The following PLCL2 variants were observed in gnomAD, a reference collection of about 807,000 sequenced individuals.
The protein encoded by PLCL2 is phospholipase C like 2, also known as inactive phospholipase C-like protein 2.
A neutral mutation model predicts 79.6 loss-of-function variants in PLCL2; 4 were observed. The ratio of observed to expected loss-of-function variants is 0.05; its 90% CI spans 0.02 to 0.11. PLCL2 has a LOEUF of 0.11. Among genes scored for constraint, PLCL2 ranks in the 10% least tolerant of loss-of-function variants. The pLI is 1.00. For synonymous variants in PLCL2, 484 were observed against 457.7 expected (o/e 1.06, Z -0.73); for missense variants, 895 against 1,291.0 (o/e 0.69, Z 4.70).
At chr3:16,948,731 G>C (rs575660096) in intron 1 of PLCL2, among the ~76,000 whole-genome samples, 1 of 152,252 alleles carries the variant, frequency 6.6e-6, no homozygotes, top group African/African-American at 2.4e-5. Context: ...AATGAATAGA[G>C]AACAGATTCC....
intron 1 of PLCL2, among the ~76,000 whole-genome samples, chr3:16,892,698 T>C (rs1457070361): frequency 6.6e-6 from 1 of 152,208 alleles, no homozygotes; most frequent in Non-Finnish European, 1.5e-5. Flanking sequence ...CTGCCCTTTG[T>C]TGCAGTGCAA....
rs1168031283 is a variant in PLCL2, at chr3:16,892,357, A to G, written c.327+6991A>G. Among the ~76,000 whole-genome samples, 4 of 152,188 alleles carry G rather than the reference A, an allele frequency of 2.6e-5. No individual in the cohort carries two copies. The East Asian group carries it at 7.7e-4, about 29-fold the overall frequency. On this transcript the variant is annotated intron_variant, in intron 1 of 5. Transcript: ENST00000615277. ...GCCCTGAAATAAGAATAGGCCTTTG[A>G]AATTTTCTTTTGATTTATATTCTGC...
intron 1 of PLCL2, among the ~76,000 whole-genome samples, chr3:16,892,818 C>G (rs1041313311): frequency 2.6e-5 from 4 of 152,086 alleles, no homozygotes; most frequent in African/African-American, 9.7e-5. Flanking sequence ...ACAAGGGAAC[C>G]CATTCTACAA....
intron 1 of PLCL2, among the ~76,000 whole-genome samples, chr3:16,916,595 T>G (rs1021750466): frequency 1.3e-5 from 2 of 152,202 alleles, no homozygotes; most frequent in Non-Finnish European, 2.9e-5. Flanking sequence ...AGAAGTAAAT[T>G]AATACCATCC....
chr3:16,961,440 G>T (rs115779920), intron 1 of PLCL2, among the ~76,000 whole-genome samples: 1 of 152,336 alleles, frequency 6.6e-6, no homozygotes, highest in East Asian at 1.9e-4. Context: ...AGTGGGACAT[G>T]AAGTGGAGGG....
chr3:17,052,333 A>G (rs1021127210), intron 4 of PLCL2, among the ~76,000 whole-genome samples: 1 of 152,044 alleles, frequency 6.6e-6, no homozygotes, highest in Non-Finnish European at 1.5e-5. Context: ...AGGAATTAAC[A>G]GAAGATAACT....
At chr3:17,028,655 T>G (rs2064544719) in intron 3 of PLCL2, among the ~76,000 whole-genome samples, 1 of 152,020 alleles carries the variant, frequency 6.6e-6, no homozygotes, top group Admixed American at 6.6e-5. Flanking sequence ...TTTGTTGTTT[T>G]GTTTTTTTGC....
Position 17,020,830 on chromosome 3 carries a change from A to G in PLCL2, c.3018+5919A>G, listed in dbSNP as rs140386572. On this transcript the variant is annotated intron_variant, in intron 3 of 5. Transcript: ENST00000615277. ...TGAAGGTTTTTTTCCTTACACAGAA[A>G]TGTTGGCAGTTGACATGCAGCATCA... 4.3e-3 allele frequency among the ~76,000 whole-genome samples: 648 copies of G among 152,296 alleles called. 4 individuals carry two copies. The highest frequency in any genetic ancestry group is 0.014 in the African/African-American group (597 of 41,564).
intron 3 of PLCL2, among the ~76,000 whole-genome samples, chr3:17,024,714 A>C (rs1196238109): frequency 6.6e-6 from 1 of 152,208 alleles, no homozygotes; most frequent in Non-Finnish European, 1.5e-5. Flanking sequence ...AATGAAGACT[A>C]GCTGACCTAG....
Position 17,009,613 on chromosome 3 carries a change from A to G in PLCL2, c.328-61A>G. Reference sequence around the variant, plus strand: ...CTAGGAAATTAAATTTCTATTCATAATCTTGAACATAGAAACCTATATTTA... The same window carrying G: ...CTAGGAAATTAAATTTCTATTCATAGTCTTGAACATAGAAACCTATATTTA... On this transcript the variant is annotated intron_variant, in intron 1 of 5. Transcript: ENST00000615277. The surrounding 1 kb of genome is among the most constrained non-coding windows in gnomAD (Gnocchi z 4.0). 1.2e-6 allele frequency: 1 copy of G among 856,386 alleles called. No homozygotes were observed. The highest frequency in any genetic ancestry group is 1.8e-6 in the Non-Finnish European group (1 of 567,242). 53.0% of individuals were successfully genotyped at this position (856,386 alleles called of 1,614,324 possible).
At chr3:17,059,626 G>A (rs1025362952) in intron 4 of PLCL2, among the ~76,000 whole-genome samples, 7 of 151,998 alleles carry the variant, frequency 4.6e-5, no homozygotes, top group Non-Finnish European at 7.4e-5. Flanking sequence ...GAAACCATGT[G>A]TGTTATTTGC....
At chr3:16,955,804 T>A (rs1410787310) in intron 1 of PLCL2, among the ~76,000 whole-genome samples, 8 of 152,084 alleles carry the variant, frequency 5.3e-5, no homozygotes, top group Admixed American at 5.2e-4. Context: ...TGAATGGGAG[T>A]TCACTCATGA....
intron 3 of PLCL2, among the ~76,000 whole-genome samples, chr3:17,041,966 A>T (rs1291367094): frequency 1.3e-5 from 2 of 152,172 alleles, no homozygotes; most frequent in East Asian, 1.9e-4. Context: ...AAGAAAAAAA[A>T]TGAGGCAGAA....
At chr3:16,945,031 A>G (rs949430523) in intron 1 of PLCL2, among the ~76,000 whole-genome samples, 7 of 152,180 alleles carry the variant, frequency 4.6e-5, no homozygotes, top group Non-Finnish European at 5.9e-5. Flanking sequence ...GAGTGCTGGG[A>G]TTACAGGTGT....
intron 1 of PLCL2, among the ~76,000 whole-genome samples, chr3:16,897,598 A>C (rs1358117374): frequency 6.6e-6 from 1 of 152,224 alleles, no homozygotes; most frequent in African/African-American, 2.4e-5. Context: ...CTGTTTACTC[A>C]CAGAAGATTA....
chr3:17,048,528 T>G (rs1333078325), intron 4 of PLCL2, among the ~76,000 whole-genome samples: 1 of 152,216 alleles, frequency 6.6e-6, no homozygotes, highest in Non-Finnish European at 1.5e-5. Context: ...TCAAAACTTA[T>G]GCACACACTT....
intron 1 of PLCL2, among the ~76,000 whole-genome samples, chr3:16,906,306 A>G (rs1429241335): frequency 2.0e-5 from 3 of 152,252 alleles, no homozygotes; most frequent in Admixed American, 1.3e-4. Context: ...TCTAAAATGT[A>G]TAAGGAAGAT....
chr3:17,039,200 C>T (rs991084543), intron 3 of PLCL2, among the ~76,000 whole-genome samples: 3 of 152,220 alleles, frequency 2.0e-5, no homozygotes, highest in Admixed American at 6.5e-5. Context: ...CAGAAAGTGG[C>T]CCCTGCTAGA....
intron 5 of PLCL2, among the ~76,000 whole-genome samples, chr3:17,070,324 A>C (rs2065050309): frequency 6.6e-6 from 1 of 152,226 alleles, no homozygotes; most frequent in South Asian, 2.1e-4. Flanking sequence ...CATATTAATG[A>C]AAAACAGCTG....
Sources: allele counts gnomAD v4.1 joint callset (sites outside exome capture counted in the v4.1 genomes callset), GRCh38; gene constraint gnomAD v4.1.1; non-coding constraint Gnocchi (gnomAD v3.1); transcripts MANE v1.5; gene names NCBI Gene and HGNC (gene_info 2026-07-23, HGNC 2026-07-21).